ASIP: variants seen among roughly 807,000 people sequenced by gnomAD.
ASIP encodes agouti signaling protein.
ASIP carries 11 observed loss-of-function variants against 10.3 expected under a neutral mutation model. That is an observed-to-expected ratio of 1.07 (90% confidence interval 0.68 to 1.78). The LOEUF (loss-of-function observed/expected upper bound fraction) is 1.78, where lower values mean the gene tolerates loss of function less well. Ranked by LOEUF, ASIP falls within the 40% of genes most tolerant of loss-of-function variation. The probability of loss-of-function intolerance (pLI) is 0.00; values close to 1 mark genes in which losing one functional copy is unlikely to be tolerated. For missense variants in ASIP, 180 were observed against 169.2 expected (o/e 1.06, Z -0.35); for synonymous variants, 70 against 70.8 (o/e 0.99, Z 0.06).
At chr20:34,258,525 G>A (rs899221720) in intron 1 of ASIP, among the ~76,000 whole-genome samples, 17 of 148,080 alleles carry the variant, frequency 1.1e-4, no homozygotes, top group Non-Finnish European at 2.2e-4. Context: ...TAAGCACTGC[G>A]ATCAGTGGGA....
At chr20:34,203,440 C>G (rs1341370952) in intron 1 of ASIP, among the ~76,000 whole-genome samples, 4 of 151,820 alleles carry the variant, frequency 2.6e-5, no homozygotes, top group Non-Finnish European at 4.4e-5. Flanking sequence ...CTCTGTCACT[C>G]AAGCTGGAGT....
In ASIP at chr20:34,262,683, G is replaced by A; in HGVS notation, c.161-149G>A. The A allele has an allele frequency of 7.7e-6, 6 of 780,762 alleles. No individual in the cohort carries two copies. In the East Asian group the frequency reaches 1.3e-4, roughly 17 times the overall value. The allele number at this position is 780,762 out of a possible 1,614,324, so 48.4% of individuals were successfully genotyped here. A position where few individuals can be genotyped will look rare whatever the true frequency, so the allele number is the denominator to read the frequency against. On this transcript the variant is annotated intron_variant, in intron 2 of 3. Transcript: ENST00000374954. The stretch of plus-strand genomic sequence containing the variant: ...TAGCCGGGCTAACAAGAACCTACTG[G>A]CTTGAGTCCTACAGTGTGACTCATC...
At chr20:34,191,389 C>G (rs1022384710), upstream of ASIP, among the ~76,000 whole-genome samples, 1 of 152,114 alleles carries the variant, frequency 6.6e-6, no homozygotes, top group African/African-American at 2.4e-5. Context: ...TCTGCTGAGG[C>G]TCGGGATCAG....
chr20:34,237,914 A>G (rs1158985665), upstream of ASIP, among the ~76,000 whole-genome samples: 1 of 152,028 alleles, frequency 6.6e-6, no homozygotes, highest in Non-Finnish European at 1.5e-5. Context: ...AGATAATCTG[A>G]TATAGGATTC....
intron 2 of ASIP, among the ~76,000 whole-genome samples, chr20:34,261,942 A>T (rs565405201): frequency 6.6e-6 from 1 of 151,916 alleles, no homozygotes; most frequent in Admixed American, 6.6e-5. Context: ...GCAAAACCCC[A>T]TCTCTACTAA....
rs2034889871 is a variant in ASIP at position 34,200,974 on chromosome 20, TTCCTTCCTTCC to T, written c.-11+6216_-11+6226del. On this transcript the variant is annotated intron_variant, in intron 1 of 3. Transcript: ENST00000568305. Reference sequence around the variant, plus strand: ...TTTCTTTCTTTCTTTCTTTCTTTCCTTCCTTCCTTCCTTCCTTCCTTCCTTCCTTCCTTCCT... The same window carrying T: ...TTTCTTTCTTTCTTTCTTTCTTTCCTTTCCTTCCTTCCTTCCTTCCTTCCT... Among the ~76,000 whole-genome samples, 13 of 65,408 alleles carry T rather than the reference TTCCTTCCTTCC, an allele frequency of 2.0e-4. 1 individual carries two copies. The highest frequency in any genetic ancestry group is 6.0e-3 in the Middle Eastern group (1 of 166). The allele number at this position is 65,408 out of a possible 152,430, so 42.9% of individuals were successfully genotyped here. A position where few individuals can be genotyped will look rare whatever the true frequency, so the allele number is the denominator to read the frequency against.
At chr20:34,222,642 C>T (rs112018148) in intron 1 of ASIP, among the ~76,000 whole-genome samples, 9 of 142,000 alleles carry the variant, frequency 6.3e-5, no homozygotes, top group Non-Finnish European at 1.2e-4. Context: ...CTCCCTCTCC[C>T]TCTCCGTCTC....
chr20:34,195,197 T>C (rs1331281035), intron 1 of ASIP, among the ~76,000 whole-genome samples: 4 of 150,954 alleles, frequency 2.6e-5, no homozygotes, highest in Non-Finnish European at 5.9e-5. Flanking sequence ...TACTGAGCTG[T>C]AGGAATGCAG....
At chr20:34,245,239 C>T (rs1275087349) in intron 1 of ASIP, among the ~76,000 whole-genome samples, 1 of 147,522 alleles carries the variant, frequency 6.8e-6, no homozygotes, top group Admixed American at 6.9e-5. Context: ...GAGACTGAGG[C>T]AGGAGAATCG....
chr20:34,215,005 A>G, intron 1 of ASIP: 1 of 1,437,050 alleles, frequency 7.0e-7, no homozygotes, highest in Non-Finnish European at 9.8e-7. Context: ...TCTGGCCAAC[A>G]TCTTCTTCCT....
intron 1 of ASIP, among the ~76,000 whole-genome samples, chr20:34,223,241 G>A (rs1360504230): frequency 2.0e-5 from 3 of 151,150 alleles, no homozygotes; most frequent in South Asian, 2.1e-4. Flanking sequence ...CTGCCCGGCC[G>A]CCCATCGTCT....
chr20:34,246,986 T>TTTTTTTGTTTTTTG (rs368298095), intron 1 of ASIP, among the ~76,000 whole-genome samples: 1 of 151,588 alleles, frequency 6.6e-6, no homozygotes, highest in African/African-American at 2.4e-5. Flanking sequence ...TTGGTTTTTG[T>TTTTTTTGTTTTTTG]TTTTTTGTTT....
chr20:34,237,506 C>A (rs1485316410), upstream of ASIP, among the ~76,000 whole-genome samples: 4 of 152,086 alleles, frequency 2.6e-5, no homozygotes, highest in Non-Finnish European at 4.4e-5. Context: ...AACTTTGTAT[C>A]CTGCTACTTT....
At chr20:34,268,941 C>T in intron 3 of ASIP, 50 bp from the exon 4 acceptor site, 2 of 1,556,758 alleles carry the variant, frequency 1.3e-6, no homozygotes, top group Non-Finnish European at 1.7e-6. Flanking sequence ...AGGTGAGGAC[C>T]GGAGGGGTGG....
At chr20:34,213,525 T>C (rs776687189) in intron 1 of ASIP, 15 of 1,503,322 alleles carry the variant, frequency 1.0e-5, no homozygotes, top group African/African-American at 1.4e-5. Flanking sequence ...CATTTTCTTC[T>C]GCGGGCCAGA....
intron 2 of ASIP, among the ~76,000 whole-genome samples, chr20:34,261,277 T>C (rs1190552879): frequency 6.6e-6 from 1 of 152,002 alleles, no homozygotes; most frequent in Non-Finnish European, 1.5e-5. Context: ...GGCATGAGGA[T>C]TGTTTGAGCC....
intron 1 of ASIP, among the ~76,000 whole-genome samples, chr20:34,207,000 T>C (rs1333622910): frequency 2.6e-5 from 4 of 152,198 alleles, no homozygotes; most frequent in African/African-American, 9.6e-5. Flanking sequence ...CTGAATTCCT[T>C]TCTTTTGGAA....
chr20:34,268,390 A>G (rs1428758000), intron 3 of ASIP, among the ~76,000 whole-genome samples: 2 of 152,144 alleles, frequency 1.3e-5, no homozygotes, highest in African/African-American at 4.8e-5. Flanking sequence ...CTCAAAGGCC[A>G]AAAGAAAGTT....
chr20:34,196,173 C>CTTTTTTTTTTTTTTTTTTTTTTTTTTTT (rs34524786), intron 1 of ASIP, among the ~76,000 whole-genome samples: 1 of 83,706 alleles, frequency 1.2e-5, no homozygotes, highest in African/African-American at 4.9e-5. Flanking sequence ...AGGGAGATTT[C>CTTTTTTTTTTTTTTTTTTTTTTTTTTTT]TTTTTTTTTT....
Sources: gnomAD v4.1 joint callset for allele counts (sites outside exome capture counted in the v4.1 genomes callset) on GRCh38, gnomAD v4.1.1 for gene constraint, MANE v1.5 for transcripts, NCBI Gene and HGNC (gene_info 2026-07-23, HGNC 2026-07-21) for gene names.